MTHFD2L: variants seen among roughly 807,000 people sequenced by gnomAD.
The protein encoded by MTHFD2L is methylenetetrahydrofolate dehydrogenase (NADP+ dependent) 2 like, also known as bifunctional methylenetetrahydrofolate dehydrogenase/cyclohydrolase 2, mitochondrial.
Under a neutral mutation model 34.9 loss-of-function variants are expected in MTHFD2L, and 29 were observed. The ratio of observed to expected loss-of-function variants is 0.83; its 90% CI spans 0.62 to 1.13. The LOEUF (loss-of-function observed/expected upper bound fraction) is 1.13. MTHFD2L is among the 50% of genes most tolerant of loss of function. The probability of loss-of-function intolerance (pLI) is 0.00; values close to 1 mark genes in which losing one functional copy is unlikely to be tolerated. For missense variants in MTHFD2L, 481 were observed against 446.5 expected, an observed-to-expected ratio of 1.08 and a Z score of -0.70; for synonymous variants, 167 against 155.7, an observed-to-expected ratio of 1.07 and a Z score of -0.54.
Position 74,201,318 on chromosome 4 carries a change from G to A in MTHFD2L, c.660G>A (p.Gly220=), listed in dbSNP as rs147971168. 8 of 1,613,788 alleles carry A rather than the reference G, an allele frequency of 5.0e-6. No homozygotes were observed. The Admixed American group carries it at 1.0e-4, about 20-fold the overall frequency. ...VVVAGRSKNV[G]MPIAMLLHTD... is the part of the protein sequence containing the mutation. ...TGGCTGGAAGATCCAAGAACGTAGG[G>A]ATGCCTATTGCCATGCTTTTACACA... The change falls in exon 5 of 8, where the codon GGG becomes GGA. Residue 220 remains glycine, a synonymous_variant. Transcript: ENST00000325278.
intron 1 of MTHFD2L, chr4:74,160,546 T>C (rs1163100956): frequency 6.5e-6 from 1 of 152,994 alleles, no homozygotes; most frequent in Non-Finnish European, 1.5e-5. Context: ...GCAGTGAATT[T>C]GTTTTCCTGT....
intron 1 of MTHFD2L, among the ~76,000 whole-genome samples, chr4:74,132,492 A>G (rs1372697682): frequency 2.0e-5 from 3 of 152,166 alleles, no homozygotes; most frequent in Non-Finnish European, 2.9e-5. Context: ...ACAAGAACAG[A>G]AAACCAAACA....
intron 6 of MTHFD2L, among the ~76,000 whole-genome samples, chr4:74,228,680 C>CT (rs936490070): frequency 6.6e-6 from 1 of 152,064 alleles, no homozygotes; most frequent in African/African-American, 2.4e-5. Context: ...CTCTAGCTTT[C>CT]TTTGTAAAGG....
intron 5 of MTHFD2L, among the ~76,000 whole-genome samples, chr4:74,204,705 A>G (rs1221756423): frequency 6.6e-6 from 1 of 152,194 alleles, no homozygotes; most frequent in African/African-American, 2.4e-5. Context: ...TGTCTATAAA[A>G]TACCTATCAA....
upstream of MTHFD2L, among the ~76,000 whole-genome samples, chr4:74,121,005 A>G (rs186502671): frequency 1.1e-3 from 170 of 152,356 alleles, 2 homozygotes; most frequent in African/African-American, 3.8e-3. Flanking sequence ...ATTCAAAGCC[A>G]AAGTGGAATT....
intron 1 of MTHFD2L, among the ~76,000 whole-genome samples, chr4:74,130,388 C>G (rs888938657): frequency 6.6e-6 from 1 of 152,168 alleles, no homozygotes; most frequent in Admixed American, 6.5e-5. Flanking sequence ...GCTTATCCAC[C>G]ATGATCATGT....
chr4:74,220,332 G>A (rs1737953366), intron 5 of MTHFD2L, among the ~76,000 whole-genome samples: 1 of 151,918 alleles, frequency 6.6e-6, no homozygotes, highest in Non-Finnish European at 1.5e-5. Context: ...GACTTTTACT[G>A]TAAATAACTG....
intron 6 of MTHFD2L, among the ~76,000 whole-genome samples, chr4:74,273,224 A>G (rs1017661788): frequency 6.6e-6 from 1 of 152,146 alleles, no homozygotes; most frequent in Non-Finnish European, 1.5e-5. Flanking sequence ...AATTAACAAT[A>G]AGAGTTTTTT....
chr4:74,146,827 C>T (rs541723946), intron 1 of MTHFD2L, among the ~76,000 whole-genome samples: 1 of 152,092 alleles, frequency 6.6e-6, no homozygotes, highest in Admixed American at 6.5e-5. Flanking sequence ...ATCTTCATTG[C>T]TTTTCATTCT....
chr4:74,254,814 A>T (rs1743788211), intron 6 of MTHFD2L, among the ~76,000 whole-genome samples: 2 of 62,418 alleles, frequency 3.2e-5, no homozygotes, highest in South Asian at 1.3e-3. Flanking sequence ...GAACGGTATT[A>T]AAAAAGTAAA....
rs949170109 is a variant in MTHFD2L at position 74,209,128 on chromosome 4, A to C, written c.712+7758A>C. On this transcript the variant is annotated intron_variant, in intron 5 of 7. Transcript: ENST00000325278. ...GGCAAGGACAGCTCAAAAATCCTAG[A>C]CCTTTTACCAGTTTGCACAGGGAGA... is the stretch of plus-strand genomic sequence containing the variant. Among the ~76,000 whole-genome samples the C allele has an allele frequency of 5.3e-5, 8 of 152,252 alleles. No individual in the cohort carries two copies. In the East Asian group the frequency reaches 1.5e-3, roughly 29 times the overall value.
intron 6 of MTHFD2L, among the ~76,000 whole-genome samples, chr4:74,255,304 T>A (rs1366405579): frequency 6.6e-6 from 1 of 152,008 alleles, no homozygotes; most frequent in Non-Finnish European, 1.5e-5. Flanking sequence ...CAGTTGTAAC[T>A]GTAAGATATT....
At chr4:74,228,567 T>C (rs1560509852) in intron 6 of MTHFD2L, among the ~76,000 whole-genome samples, 1 of 152,210 alleles carries the variant, frequency 6.6e-6, no homozygotes, top group Non-Finnish European at 1.5e-5. Context: ...AAATGGCACA[T>C]GGGTGATCAC....
chr4:74,175,483 G>A, intron 3 of MTHFD2L, 80 bp downstream of exon 3: 1 of 1,361,842 alleles, frequency 7.3e-7, no homozygotes, highest in Non-Finnish European at 1.0e-6. Flanking sequence ...TTATGATACT[G>A]CAAGTAATTT....
intron 1 of MTHFD2L, 44 bp from the exon 2 acceptor site, chr4:74,174,462 G>A (rs1325982058): frequency 3.1e-6 from 4 of 1,308,550 alleles, no homozygotes; most frequent in Non-Finnish European, 4.0e-6. Context: ...GCAGTTGAGT[G>A]TTTCTTATTT....
chr4:74,255,136 C>CAAAAAAAAAAAAAAAAAAAAAAAAAAAAA (rs34300013), intron 6 of MTHFD2L, among the ~76,000 whole-genome samples: 1 of 69,182 alleles, frequency 1.4e-5, no homozygotes, highest in Non-Finnish European at 2.4e-5. Flanking sequence ...ACTCCATCTC[C>CAAAAAAAAAAAAAAAAAAAAAAAAAAAAA]AAAAAAAAAA....
chr4:74,180,173 G>A (rs1324694629), intron 3 of MTHFD2L, among the ~76,000 whole-genome samples: 1 of 152,048 alleles, frequency 6.6e-6, no homozygotes, highest in Non-Finnish European at 1.5e-5. Context: ...ATAGGGTTAG[G>A]AATAGTTTAT....
chr4:74,120,266 T>C (rs1398385106), upstream of MTHFD2L, among the ~76,000 whole-genome samples: 1 of 152,176 alleles, frequency 6.6e-6, no homozygotes, highest in Non-Finnish European at 1.5e-5. Flanking sequence ...TGAGGTACAA[T>C]TGTTACAGAG....
At chr4:74,179,464 A>G (rs953025587) in intron 3 of MTHFD2L, among the ~76,000 whole-genome samples, 8 of 152,186 alleles carry the variant, frequency 5.3e-5, no homozygotes, top group East Asian at 3.9e-4. Flanking sequence ...TAAATATACT[A>G]TTCCTTTCAA....
Sources: gnomAD v4.1 joint callset for allele counts (sites outside exome capture counted in the v4.1 genomes callset) on GRCh38, gnomAD v4.1.1 for gene constraint, MANE v1.5 for transcripts, NCBI Gene and HGNC (gene_info 2026-07-23, HGNC 2026-07-21) for gene names.